TRIM42: variants seen among roughly 807,000 people sequenced by gnomAD.
TRIM42 encodes the protein tripartite motif containing 42.
In TRIM42, 59 loss-of-function variants were observed where a neutral mutation model predicts 64.9. The observed-to-expected ratio is 0.91, with a 90% CI of 0.74 to 1.13. TRIM42 has a LOEUF of 1.13. Ranked by LOEUF, TRIM42 falls within the 50% of genes most tolerant of loss-of-function variation. The probability of loss-of-function intolerance (pLI) is 0.00; values close to 1 mark genes in which losing one functional copy is unlikely to be tolerated. For missense variants in TRIM42, 878 were observed against 929.5 expected (o/e 0.94, Z 0.72); for synonymous variants, 354 against 346.3 (o/e 1.02, Z -0.25).
intron 4 of TRIM42, among the ~76,000 whole-genome samples, chr3:140,697,935 A>G (rs547437558): frequency 1.3e-5 from 2 of 152,128 alleles, no homozygotes; most frequent in Non-Finnish European, 2.9e-5. Context: ...TGCCGGCCTC[A>G]GCCTCCCAAA....
Position 140,682,848 on chromosome 3 carries a change from A to G in TRIM42, c.728A>G (p.Asn243Ser). The change falls in exon 2 of 5, where the codon AAC (asparagine) becomes AGC (serine). Residue 243 changes from asparagine (N) to serine (S), a missense_variant. Asn to Ser is a conservative substitution (Grantham distance 46). Transcript: ENST00000286349. ...CCCATCCTCTGCCAGGTCTGCCGCA[A>G]CAAGCGCATCGCTTACAAGCGCTGC... ...SGPILCQVCRNKRIAYKRCIT... is the reference protein window; with the variant it reads ...SGPILCQVCRSKRIAYKRCIT... The G allele has an allele frequency of 1.2e-6, 2 of 1,614,174 alleles. No individual in the cohort carries two copies. The highest frequency in any genetic ancestry group is 1.7e-6 in the Non-Finnish European group (2 of 1,180,020).
chr3:140,688,260 C>G lies in TRIM42; in HGVS notation c.1578C>G (p.Ser526Arg). ...IARKVTFSTH[S>R]LGNQHIYQRS... Reference sequence around the variant, plus strand: ...GGAAGGTCACTTTCAGCACCCACAGCCTCGGCAACCAGCACATATACCAGC... The same window carrying G: ...GGAAGGTCACTTTCAGCACCCACAGGCTCGGCAACCAGCACATATACCAGC... The change falls in exon 3 of 5, where the codon AGC becomes AGG. Residue 526 changes from serine to arginine, a missense_variant. By Grantham distance (110) the Ser-to-Arg change is moderately radical. Coordinates refer to ENST00000286349, the MANE Select transcript of TRIM42 (RefSeq NM_152616.5). The G allele has an allele frequency of 6.2e-7, 1 of 1,614,240 alleles. No homozygotes were observed. The highest frequency in any genetic ancestry group is 1.3e-5 in the African/African-American group (1 of 75,060).
chr3:140,682,865 A>G lies in TRIM42; in HGVS notation c.745A>G (p.Lys249Glu). ...QVCRNKRIAY[K>E]RCITCRLNLC... ...CTGCCGCAACAAGCGCATCGCTTAC[A>G]AGCGCTGCATCACCTGCCGCCTCAA... The change falls in exon 2 of 5, where the codon AAG (lysine) becomes GAG (glutamate). Residue 249 changes from lysine (K) to glutamate (E), a missense_variant. Coordinates refer to ENST00000286349, the MANE Select transcript of TRIM42 (RefSeq NM_152616.5). 1 of 1,614,178 alleles carries G rather than the reference A, an allele frequency of 6.2e-7. No individual in the cohort carries two copies. Among genetic ancestry groups the G allele is most frequent in the Non-Finnish European group, 8.5e-7 (1 of 1,180,018 alleles).
intron 3 of TRIM42, among the ~76,000 whole-genome samples, chr3:140,689,338 T>C (rs1194770002): frequency 6.6e-6 from 1 of 152,240 alleles, no homozygotes; most frequent in Non-Finnish European, 1.5e-5. Flanking sequence ...GGATTTTTCC[T>C]ACAGTCAACC....
chr3:140,696,320 C>T lies in TRIM42; in HGVS notation c.2086-4568C>T, dbSNP rs75434993. Among the ~76,000 whole-genome samples, 1,257 of 152,106 alleles carry T rather than the reference C, an allele frequency of 8.3e-3. 18 individuals are homozygous for T. Among genetic ancestry groups the T allele is most frequent in the African/African-American group, 0.029 (1,201 of 41,504 alleles). On this transcript the variant is annotated intron_variant, in intron 4 of 4. Transcript: ENST00000286349. ...GTTTCTTACCTTTTTTTCTTAAATG[C>T]TGTGTTTTTATGATCCATCTATGTT... is the stretch of plus-strand genomic sequence containing the variant.
rs1988988052 is a variant in TRIM42, at chr3:140,701,077, G to A, written c.*103G>A. On this transcript the variant is annotated 3_prime_UTR_variant, in exon 5 of 5. Coordinates refer to ENST00000286349, the MANE Select transcript of TRIM42 (RefSeq NM_152616.5). ...TCTCACCACATTCTTCAAGGAGGTT[G>A]TAGACAAATGTTTCCATGACCTCTC... The A allele has an allele frequency of 1.0e-6, 1 of 993,658 alleles. No homozygotes were observed. 61.6% of individuals were successfully genotyped at this position (993,658 alleles called of 1,614,324 possible).
chr3:140,699,733 T>A (rs961528857), intron 4 of TRIM42, among the ~76,000 whole-genome samples: 32 of 152,358 alleles, frequency 2.1e-4, no homozygotes, highest in African/African-American at 7.5e-4. Context: ...TTATTTATAC[T>A]ACTTTTATCA....
At chr3:140,686,869 A>G (rs1317886305) in intron 2 of TRIM42, among the ~76,000 whole-genome samples, 1 of 152,192 alleles carries the variant, frequency 6.6e-6, no homozygotes, top group East Asian at 1.9e-4. Context: ...TTTCACAGAT[A>G]GAGATGTGCC....
chr3:140,700,378 A>G lies in TRIM42; in HGVS notation c.2086-510A>G, dbSNP rs1027214603. Among the ~76,000 whole-genome samples, 5 of 152,220 alleles carry G rather than the reference A, an allele frequency of 3.3e-5. No homozygotes were observed. In the East Asian group the frequency reaches 9.6e-4, roughly 29 times the overall value. ...TATATTATAGTTCTATTCACTGTTC[A>G]TATACTTCTCTAAGAATCTTCTCTT... On this transcript the variant is annotated intron_variant, in intron 4 of 4. Transcript: ENST00000286349.
chr3:140,681,414 C>A (rs145818868), intron 1 of TRIM42, among the ~76,000 whole-genome samples: 92 of 152,230 alleles, frequency 6.0e-4, no homozygotes, highest in African/African-American at 2.2e-3. Context: ...GTACTGTGAG[C>A]TTTGACTTAT....
In TRIM42 at chr3:140,687,724, C is replaced by T. The variant is rs369553840; in HGVS notation, c.1042C>T (p.Arg348Ter). 2.1e-5 allele frequency: 33 copies of T among 1,596,574 alleles called. No homozygotes were observed. The highest frequency in any genetic ancestry group is 2.3e-5 in the South Asian group (2 of 87,616). ...FSAIAKFKAV[R>*]YEIDNDLMEF... Reference sequence around the variant, plus strand: ...TAACTAACTTGGCATTTTTGCAGTCCGATATGAAATTGATAATGACCTAAT... The same window carrying T: ...TAACTAACTTGGCATTTTTGCAGTCTGATATGAAATTGATAATGACCTAAT... Residue 348 changes from arginine to a stop codon, truncating the protein, a stop_gained and splice_region_variant, in exon 3 of 5, where the codon CGA becomes TGA. Transcript: ENST00000286349. LOFTEE classifies it high-confidence loss of function.
intron 1 of TRIM42, among the ~76,000 whole-genome samples, chr3:140,681,202 A>C (rs896919925): frequency 6.6e-6 from 1 of 152,214 alleles, no homozygotes; most frequent in African/African-American, 2.4e-5. Flanking sequence ...CACATAAATG[A>C]AACAGTGGAA....
chr3:140,691,267 C>T (rs1020827731), intron 4 of TRIM42, 75 bp downstream of exon 4: 31 of 1,259,212 alleles, frequency 2.5e-5, no homozygotes, highest in Non-Finnish European at 3.2e-5. Flanking sequence ...TTAAGATGAT[C>T]GTGAGATTAT....
At chr3:140,694,714 A>G (rs915801955) in intron 4 of TRIM42, among the ~76,000 whole-genome samples, 1 of 152,234 alleles carries the variant, frequency 6.6e-6, no homozygotes, top group Non-Finnish European at 1.5e-5. Context: ...TGTGTCAGCC[A>G]TATTGCATTC....
At position 140,688,127 on chromosome 3, in the gene TRIM42, T is replaced by A; in HGVS notation, c.1445T>A (p.Leu482His). The A allele has an allele frequency of 6.2e-7, 1 of 1,613,990 alleles. No individual in the cohort carries two copies. The highest frequency in any genetic ancestry group is 8.5e-7 in the Non-Finnish European group (1 of 1,179,886). Residue 482 changes from leucine (L) to histidine (H), a missense_variant, in exon 3 of 5, where the codon CTT becomes CAT. Coordinates refer to ENST00000286349, the MANE Select transcript of TRIM42 (RefSeq NM_152616.5). ...INYVPLDFVE[L>H]SSAIHELFPT... The stretch of plus-strand genomic sequence containing the variant: ...TACGTGCCCTTGGACTTTGTTGAGC[T>A]TTCCAGTGCCATCCATGAGCTCTTC...
chr3:140,687,428 A>C (rs1576418067), intron 2 of TRIM42, among the ~76,000 whole-genome samples: 1 of 152,244 alleles, frequency 6.6e-6, no homozygotes, highest in Non-Finnish European at 1.5e-5. Context: ...GTAAAAACCA[A>C]TATCAAGGGT....
intron 4 of TRIM42, among the ~76,000 whole-genome samples, chr3:140,697,828 C>T (rs1014497844): frequency 2.6e-5 from 4 of 152,150 alleles, no homozygotes; most frequent in Non-Finnish European, 5.9e-5. Flanking sequence ...GGACTACAGG[C>T]GCCCGCCACC....
intron 4 of TRIM42, among the ~76,000 whole-genome samples, chr3:140,698,093 T>C (rs548149971): frequency 6.6e-6 from 1 of 152,338 alleles, no homozygotes; most frequent in East Asian, 1.9e-4. Flanking sequence ...CCATACTTGT[T>C]TTATTATTTT....
intron 4 of TRIM42, 81 bp from the exon 5 acceptor site, chr3:140,700,807 T>A (rs1209584479): frequency 8.1e-7 from 1 of 1,227,732 alleles, no homozygotes; most frequent in African/African-American, 1.5e-5. Flanking sequence ...ATGATGTGTG[T>A]AGTGTCTGAC....
Sources: allele counts gnomAD v4.1 joint callset (sites outside exome capture counted in the v4.1 genomes callset), GRCh38; gene constraint gnomAD v4.1.1; transcripts MANE v1.5; gene names NCBI Gene and HGNC (gene_info 2026-07-23, HGNC 2026-07-21).